Variants in NTM observed in about 807,000 individuals in gnomAD.
NTM encodes IgLON family member 2.
Under a neutral mutation model 42.1 loss-of-function variants are expected in NTM, and 13 were observed. The observed-to-expected ratio is 0.31, with a 90% CI of 0.20 to 0.49. The LOEUF (loss-of-function observed/expected upper bound fraction) is 0.49, where lower values mean the gene tolerates loss of function less well. Ranked by LOEUF, NTM falls within the 20% of genes least tolerant of loss-of-function variation. NTM has a pLI of 0.99. For synonymous variants in NTM, 187 were observed against 179.2 expected, an observed-to-expected ratio of 1.04 and a Z score of -0.35; for missense variants, 373 against 452.8, an observed-to-expected ratio of 0.82 and a Z score of 1.60.
chr11:131,679,811 C>A (rs1030423866), intron 1 of NTM, among the ~76,000 whole-genome samples: 5 of 152,048 alleles, frequency 3.3e-5, no homozygotes, highest in Non-Finnish European at 7.4e-5. Flanking sequence ...GTTCTGACGG[C>A]CCTCCCAGTC....
At chr11:132,071,186 G>A (rs1381349418) in intron 2 of NTM, among the ~76,000 whole-genome samples, 8 of 139,002 alleles carry the variant, frequency 5.8e-5, no homozygotes, top group African/African-American at 1.3e-4. Flanking sequence ...TAGTTAACAC[G>A]TCACACAGCC....
intron 2 of NTM, chr11:131,922,092 G>A (rs2057308473): frequency 1.3e-5 from 2 of 152,166 alleles, no homozygotes; most frequent in Admixed American, 6.6e-5. Context: ...GTTGAAACTC[G>A]GCTGTTCCCT....
chr11:131,591,810 T>C (rs928962740), intron 1 of NTM, among the ~76,000 whole-genome samples: 1 of 152,204 alleles, frequency 6.6e-6, no homozygotes, highest in Non-Finnish European at 1.5e-5. Context: ...AGGGGGCAGT[T>C]CATTCACAGC....
At chr11:132,069,492 A>T (rs1273669848) in intron 2 of NTM, among the ~76,000 whole-genome samples, 4 of 121,874 alleles carry the variant, frequency 3.3e-5, no homozygotes, top group African/African-American at 1.1e-4. Context: ...AACATGTCAC[A>T]CAGCCAAGTT....
chr11:132,158,132 A>T (rs1392124753), intron 3 of NTM, among the ~76,000 whole-genome samples: 2 of 152,164 alleles, frequency 1.3e-5, no homozygotes, highest in Non-Finnish European at 2.9e-5. Context: ...GGTCTTTAAC[A>T]TCCCTACTGT....
At chr11:131,841,417 A>C (rs76211002) in intron 1 of NTM, among the ~76,000 whole-genome samples, 1 of 152,170 alleles carries the variant, frequency 6.6e-6, no homozygotes, top group Admixed American at 6.5e-5. Flanking sequence ...GGCAAATAAG[A>C]TCATTTTTGC....
chr11:131,517,970 T>C (rs1251810794), intron 1 of NTM, among the ~76,000 whole-genome samples: 1 of 152,254 alleles, frequency 6.6e-6, no homozygotes, highest in Admixed American at 6.5e-5. Context: ...GGTGACATTC[T>C]GTCTGTAACA....
At chr11:131,903,214 C>G (rs568568216) in intron 1 of NTM, among the ~76,000 whole-genome samples, 15 of 152,272 alleles carry the variant, frequency 9.9e-5, no homozygotes, top group African/African-American at 3.6e-4. Context: ...TCTTCTAACC[C>G]GGATATTCCA....
intron 1 of NTM, among the ~76,000 whole-genome samples, chr11:131,625,508 GAC>G (rs2063009870): frequency 6.6e-6 from 1 of 151,992 alleles, no homozygotes; most frequent in South Asian, 2.1e-4. Flanking sequence ...GAGACAGACA[GAC>G]ACAGAGAGAG....
intron 1 of NTM, among the ~76,000 whole-genome samples, chr11:131,853,643 T>C (rs1391481319): frequency 6.6e-6 from 1 of 152,260 alleles, no homozygotes; most frequent in African/African-American, 2.4e-5. Flanking sequence ...CAGTCTATCA[T>C]TGATGGATAT....
chr11:131,727,818 T>G (rs1039542982), intron 1 of NTM, among the ~76,000 whole-genome samples: 1 of 152,220 alleles, frequency 6.6e-6, no homozygotes. Context: ...CCACCTCCAT[T>G]GTCTTTCTGA....
chr11:132,086,114 G>A (rs935919393), intron 2 of NTM, among the ~76,000 whole-genome samples: 2 of 152,034 alleles, frequency 1.3e-5, no homozygotes, highest in African/African-American at 4.8e-5. Context: ...CACGAGGTCA[G>A]GAGATCAAGA....
chr11:132,098,525 G>C (rs924816385), intron 2 of NTM, among the ~76,000 whole-genome samples: 2 of 152,206 alleles, frequency 1.3e-5, no homozygotes, highest in African/African-American at 4.8e-5. Flanking sequence ...CGAGACTAAT[G>C]CTCTAGACCA....
At chr11:132,171,257 C>T (rs1345923114) in intron 3 of NTM, among the ~76,000 whole-genome samples, 1 of 152,210 alleles carries the variant, frequency 6.6e-6, no homozygotes, top group Non-Finnish European at 1.5e-5. Context: ...CGTCCTGCCG[C>T]TGATCCTTTA....
At chr11:132,154,394 G>T (rs2072691382) in intron 3 of NTM, among the ~76,000 whole-genome samples, 1 of 152,190 alleles carries the variant, frequency 6.6e-6, no homozygotes, top group African/African-American at 2.4e-5. Flanking sequence ...TATGCTTCTT[G>T]CATGGTTAAG....
At chr11:131,634,912 C>T (rs937674017) in intron 1 of NTM, among the ~76,000 whole-genome samples, 5 of 152,062 alleles carry the variant, frequency 3.3e-5, no homozygotes, top group African/African-American at 4.8e-5. Context: ...GGATATGATA[C>T]GTGTATATAT....
At chr11:131,660,768 T>C (rs540857238) in intron 1 of NTM, 2 of 884,274 alleles carry the variant, frequency 2.3e-6, no homozygotes, top group South Asian at 1.7e-5. Flanking sequence ...GCCCTGGGGA[T>C]AGGCTACTTG....
chr11:131,821,220 T>C (rs61262098), intron 1 of NTM, among the ~76,000 whole-genome samples: 25,417 of 152,106 alleles, frequency 0.17, 3,942 homozygotes, highest in African/African-American at 0.42. Flanking sequence ...CAAGAAGCAT[T>C]ACCATCATCC....
At chr11:131,742,324 G>T (rs960384324) in intron 1 of NTM, among the ~76,000 whole-genome samples, 1 of 151,972 alleles carries the variant, frequency 6.6e-6, no homozygotes, top group Non-Finnish European at 1.5e-5. Flanking sequence ...ACAATAACTT[G>T]TTACTTTATT....
Sources: allele counts gnomAD v4.1 joint callset (sites outside exome capture counted in the v4.1 genomes callset), GRCh38; gene constraint gnomAD v4.1.1; transcripts MANE v1.5; gene names NCBI Gene and HGNC (gene_info 2026-07-23, HGNC 2026-07-21).